Variants in SOX13 observed in about 807,000 individuals in gnomAD.
The protein encoded by SOX13 is SRY-box transcription factor 13.
SOX13 carries 28 observed loss-of-function variants against 71.8 expected under a neutral mutation model. That is an observed-to-expected ratio of 0.39 (90% CI 0.29 to 0.53). SOX13 has a LOEUF of 0.53. SOX13 is among the 20% of genes least tolerant of loss of function. The probability of loss-of-function intolerance (pLI) is 0.70; values close to 1 mark genes in which losing one functional copy is unlikely to be tolerated. For synonymous variants in SOX13, 309 were observed against 317.8 expected (o/e 0.97, Z 0.29); for missense variants, 627 against 810.3 (o/e 0.77, Z 2.75).
At chr1:204,082,257 T>TGC (rs1321807428) in intron 1 of SOX13, among the ~76,000 whole-genome samples, 4 of 151,870 alleles carry the variant, frequency 2.6e-5, no homozygotes, top group African/African-American at 9.7e-5. Flanking sequence ...TGTGTGTGTG[T>TGC]GCACATATGT....
At chr1:204,097,561 CAT>C (rs1379363968) in intron 1 of SOX13, among the ~76,000 whole-genome samples, 3 of 151,758 alleles carry the variant, frequency 2.0e-5, no homozygotes. Context: ...CGTGGTGGCG[CAT>C]GCCTGTAATC....
intron 1 of SOX13, among the ~76,000 whole-genome samples, chr1:204,090,409 T>C (rs1422385917): frequency 2.6e-4 from 6 of 23,296 alleles, no homozygotes; most frequent in East Asian, 1.6e-3. Context: ...CTTCTTCTTC[T>C]TTTTTTTTTT....
chr1:204,095,395 C>T (rs1220061801), intron 1 of SOX13, among the ~76,000 whole-genome samples: 2 of 152,140 alleles, frequency 1.3e-5, no homozygotes, highest in Non-Finnish European at 2.9e-5. Context: ...TTTCTAGAGG[C>T]AGTGAGGGAA....
At chr1:204,099,600 A>G (rs781021890) in intron 1 of SOX13, among the ~76,000 whole-genome samples, 2 of 151,508 alleles carry the variant, frequency 1.3e-5, no homozygotes, top group African/African-American at 4.8e-5. Flanking sequence ...TTTTGTTGAG[A>G]TGGAGTTTCA....
chr1:204,115,847 G>T (rs1205304556), intron 4 of SOX13, among the ~76,000 whole-genome samples: 1 of 151,270 alleles, frequency 6.6e-6, no homozygotes, highest in Admixed American at 6.6e-5. Context: ...TTGCATTTTT[G>T]TAGAGATGGG....
intron 1 of SOX13, among the ~76,000 whole-genome samples, chr1:204,090,631 G>A (rs1011694371): frequency 2.6e-5 from 4 of 151,894 alleles, no homozygotes; most frequent in Admixed American, 6.6e-5. Context: ...GGCTGGTCTT[G>A]AACTCCTGGC....
rs553794743 is a variant in SOX13, at chr1:204,081,289, C to T, written c.-2+7578C>T. 2.0e-5 allele frequency among the ~76,000 whole-genome samples: 3 copies of T among 152,296 alleles called. No individual in the cohort carries two copies. The South Asian group carries it at 6.2e-4, about 32-fold the overall frequency. ...TCTGTAGTCTCTAAGAGTAATACAA[C>T]AATGTGTATCACTTTCGTCATCAGG... On this transcript the variant is annotated intron_variant, in intron 1 of 13. Coordinates refer to ENST00000367204, the MANE Select transcript of SOX13 (RefSeq NM_005686.3). The surrounding 1 kb of genome is among the most constrained non-coding windows in gnomAD (Gnocchi z 4.3).
intron 1 of SOX13, among the ~76,000 whole-genome samples, chr1:204,097,680 C>T (rs1413015588): frequency 8.2e-6 from 1 of 122,670 alleles, no homozygotes. Flanking sequence ...GCAACAAAAG[C>T]GAAACTCCGT....
At chr1:204,080,548 C>T (rs1655881335) in intron 1 of SOX13, among the ~76,000 whole-genome samples, 2 of 152,094 alleles carry the variant, frequency 1.3e-5, no homozygotes, top group South Asian at 2.1e-4. Flanking sequence ...TTACCTCCCC[C>T]AGTCCCCGCC....
intron 1 of SOX13, among the ~76,000 whole-genome samples, chr1:204,075,070 G>A (rs1558207196): frequency 6.6e-6 from 1 of 152,344 alleles, no homozygotes; most frequent in East Asian, 1.9e-4. Context: ...ACCTCCCGGA[G>A]TTCATGCCTT....
intron 4 of SOX13, among the ~76,000 whole-genome samples, chr1:204,115,657 CTTTTTTTTTTTTTTTTT>C (rs771014997): frequency 8.7e-5 from 5 of 57,414 alleles, no homozygotes; most frequent in Non-Finnish European, 1.2e-4. Flanking sequence ...GCTTCTTCTT[CTTTTTTTTTTTTTTTTT>C]TTTTTTTTGG....
At position 204,123,130 on chromosome 1, in the gene SOX13, T is replaced by G. The variant is rs778697650; in HGVS notation, c.1153T>G (p.Ser385Ala). The change falls in exon 11 of 14, where the codon TCA (serine) becomes GCA (alanine). Residue 385 changes from serine (S) to alanine (A), a missense_variant. This residue lies in a region of SOX13 where 447 missense variants were observed against 532.2 expected (regional missense o/e 0.84). Coordinates refer to ENST00000367204, the MANE Select transcript of SOX13 (RefSeq NM_005686.3). This position sits in a 1 kb window ranked among gnomAD's most constrained non-coding sequence, Gnocchi z 5.0. The part of the protein sequence containing the change: ...PFRKDLISLD[S>A]SPAKERLEDG... Reference sequence around the variant, plus strand: ...AACCTAGGACCTCATCAGCCTGGACTCATCCCCAGCCAAGGAGCGGCTGGA... The same window carrying G: ...AACCTAGGACCTCATCAGCCTGGACGCATCCCCAGCCAAGGAGCGGCTGGA... The G allele has an allele frequency of 6.2e-7, 1 of 1,613,776 alleles. No individual in the cohort carries two copies. Among genetic ancestry groups the G allele is most frequent in the South Asian group, 1.1e-5 (1 of 91,090 alleles).
At chr1:204,079,796 G>C (rs945019761) in intron 1 of SOX13, among the ~76,000 whole-genome samples, 3 of 152,162 alleles carry the variant, frequency 2.0e-5, no homozygotes, top group Non-Finnish European at 1.5e-5. Context: ...TGCTGTCAGG[G>C]AGGACCTCCA....
Position 204,122,954 on chromosome 1 carries a change from C to T in SOX13, c.1125C>T (p.Pro375=). 2 of 1,586,176 alleles carry T rather than the reference C, an allele frequency of 1.3e-6. No individual in the cohort carries two copies. Among genetic ancestry groups the T allele is most frequent in the Non-Finnish European group, 1.7e-6 (2 of 1,163,170 alleles). The change falls in exon 10 of 14, where the codon CCC becomes CCT. Residue 375 remains proline (P), a synonymous_variant. Coordinates refer to ENST00000367204, the MANE Select transcript of SOX13 (RefSeq NM_005686.3). ...CCTTGGATGGCTCCCCCAACACCCC[C>T]TTCCGTAAGGTATGGTCCCCCACTC... ...SGALDGSPNT[P]FRKDLISLDS... is the part of the protein sequence containing the mutation.
intron 1 of SOX13, among the ~76,000 whole-genome samples, chr1:204,091,734 G>A (rs906913954): frequency 2.1e-4 from 4 of 19,346 alleles, no homozygotes; most frequent in African/African-American, 4.1e-4. Context: ...GTGCGTGTGC[G>A]TGTGTGTGTG....
intron 1 of SOX13, among the ~76,000 whole-genome samples, chr1:204,098,025 A>C (rs1656288628): frequency 6.6e-6 from 1 of 151,744 alleles, no homozygotes; most frequent in Non-Finnish European, 1.5e-5. Context: ...CACCTGGCTA[A>C]TTTTTTCATA....
chr1:204,085,200 A>G (rs1305601478), intron 1 of SOX13, among the ~76,000 whole-genome samples: 2 of 152,142 alleles, frequency 1.3e-5, no homozygotes, highest in African/African-American at 4.8e-5. Flanking sequence ...ATGGAGAATA[A>G]TATAGTACCA....
chr1:204,106,116 T>C (rs927131519), intron 1 of SOX13, among the ~76,000 whole-genome samples: 1 of 152,180 alleles, frequency 6.6e-6, no homozygotes, highest in African/African-American at 2.4e-5. Flanking sequence ...AAAGGGAGAC[T>C]TAAGGGAGGA....
chr1:204,097,762 G>C, intron 1 of SOX13, among the ~76,000 whole-genome samples: 1 of 151,340 alleles, frequency 6.6e-6, no homozygotes, highest in African/African-American at 2.4e-5. Context: ...ACCACCTTCA[G>C]AAAAAAAGAT....
Sources: allele counts gnomAD v4.1 joint callset (sites outside exome capture counted in the v4.1 genomes callset), GRCh38; gene constraint gnomAD v4.1.1; regional missense constraint gnomAD v4.1.1; non-coding constraint Gnocchi (gnomAD v3.1); transcripts MANE v1.5; gene names NCBI Gene and HGNC (gene_info 2026-07-23, HGNC 2026-07-21).